Variants in RMP64 observed in about 807,000 individuals in gnomAD.
RMP64 encodes nucleolus and neural progenitor protein.
chr3:113,016,853 A>G, the RMP64 span, among the ~76,000 whole-genome samples: 14 of 152,222 alleles, frequency 9.2e-5, no homozygotes, highest in Admixed American at 6.5e-4. Flanking sequence ...GAATTAAGTG[A>G]ATGAATGAAT....
chr3:113,011,600 C>T, the RMP64 span: 2 of 432,844 alleles, frequency 4.6e-6, no homozygotes, highest in South Asian at 1.4e-4. Context: ...TAAAATGTTA[C>T]TCAAAAAACT....
the RMP64 span, chr3:113,010,738 TTAG>T: frequency 3.3e-6 from 5 of 1,528,232 alleles, no homozygotes; most frequent in Non-Finnish European, 4.5e-6. Flanking sequence ...ATACAAAACC[TTAG>T]GCATACTATT....
At chr3:113,010,944 T>C in the RMP64 span, 1 of 1,108,580 alleles carries the variant, frequency 9.0e-7, no homozygotes, top group East Asian at 2.4e-5. Context: ...ATGTGAGATG[T>C]TGAATTTCTT....
chr3:113,013,032 A>T, the RMP64 span: 3 of 616,990 alleles, frequency 4.9e-6, no homozygotes, highest in Non-Finnish European at 8.6e-6. Flanking sequence ...TTAGTTTCTA[A>T]GATTAAGAAT....
At chr3:113,008,125 C>T in the RMP64 span, 35 of 1,566,676 alleles carry the variant, frequency 2.2e-5, no homozygotes, top group East Asian at 7.9e-4. Context: ...TTACTCATAA[C>T]AACAACAGAA....
chr3:113,017,612 A>T, the RMP64 span: 1 of 1,611,738 alleles, frequency 6.2e-7, no homozygotes, highest in Non-Finnish European at 8.5e-7. Flanking sequence ...TCTGAAGCAG[A>T]GACATCTAAT....
chr3:113,008,676 A>C, the RMP64 span: 1 of 328,798 alleles, frequency 3.0e-6, no homozygotes, highest in Non-Finnish European at 5.6e-6. Flanking sequence ...AAAAAAAAAA[A>C]ATCAGTCTGT....
the RMP64 span, chr3:113,017,447 C>T: frequency 6.2e-7 from 1 of 1,613,200 alleles, no homozygotes; most frequent in Admixed American, 1.7e-5. Flanking sequence ...GGCTTCCTCA[C>T]CTGTTTGAGG....
the RMP64 span, chr3:113,012,876 T>G: frequency 2.1e-6 from 2 of 943,562 alleles, no homozygotes; most frequent in South Asian, 1.3e-5. Context: ...GTTACAATCA[T>G]GAATGAAGAA....
chr3:113,015,145 C>T, the RMP64 span: 1 of 152,160 alleles, frequency 6.6e-6, no homozygotes, highest in African/African-American at 2.4e-5. Context: ...AGATGCAGTC[C>T]CATGCTGCCC....
the RMP64 span, among the ~76,000 whole-genome samples, chr3:113,012,223 T>C: frequency 6.6e-5 from 10 of 152,028 alleles, no homozygotes; most frequent in East Asian, 1.2e-3. Context: ...TGGAAGAAAA[T>C]AGTCTAGCAC....
the RMP64 span, chr3:113,010,676 A>G: frequency 6.2e-7 from 1 of 1,613,730 alleles, no homozygotes; most frequent in South Asian, 1.1e-5. Context: ...GGTTGCAGAA[A>G]GCCCTCACAT....
the RMP64 span, chr3:113,005,617 C>T: frequency 6.2e-7 from 1 of 1,613,908 alleles, no homozygotes; most frequent in Non-Finnish European, 8.5e-7. Flanking sequence ...TATTTATTTG[C>T]ATCACCGTCC....
the RMP64 span, among the ~76,000 whole-genome samples, chr3:113,017,295 AAG>A: frequency 6.6e-6 from 1 of 152,248 alleles, no homozygotes; most frequent in Non-Finnish European, 1.5e-5. Flanking sequence ...AAAAAAAAGA[AAG>A]TGCACATGTA....
the RMP64 span, chr3:113,003,928 G>C: frequency 6.6e-6 from 1 of 152,142 alleles, no homozygotes; most frequent in East Asian, 1.9e-4. Flanking sequence ...GGGACTGGGT[G>C]CATGAATATA....
At chr3:113,011,074 T>C in the RMP64 span, 1 of 1,603,324 alleles carries the variant, frequency 6.2e-7, no homozygotes, top group Non-Finnish European at 8.5e-7. Flanking sequence ...CTTTACTGGC[T>C]GTCCAAGATC....
chr3:113,002,498 C>G, the RMP64 span: 2 of 151,764 alleles, frequency 1.3e-5, no homozygotes, highest in African/African-American at 2.4e-5. Context: ...ATGTCTCAGG[C>G]AGTGATCCCC....
the RMP64 span, chr3:113,013,521 A>G: frequency 2.2e-6 from 2 of 925,318 alleles, no homozygotes; most frequent in East Asian, 2.7e-5. Context: ...GGATTGAAAC[A>G]AAGAGATGCA....
At chr3:113,008,145 T>C in the RMP64 span, 8 of 1,595,418 alleles carry the variant, frequency 5.0e-6, no homozygotes, top group Non-Finnish European at 6.9e-6. Flanking sequence ...AAAAGTAAAG[T>C]AACATAATTT....
Sources: gnomAD v4.1 joint callset for allele counts (sites outside exome capture counted in the v4.1 genomes callset) on GRCh38, gnomAD v4.1.1 for gene constraint, MANE v1.5 for transcripts, NCBI Gene and HGNC (gene_info 2026-07-23, HGNC 2026-07-21) for gene names.